PIK3CD: variants seen among roughly 807,000 people sequenced by gnomAD.
PIK3CD encodes phosphatidylinositol 4,5-bisphosphate 3-kinase catalytic subunit delta isoform.
A neutral mutation model predicts 122.9 loss-of-function variants in PIK3CD; 20 were observed. The observed-to-expected ratio is 0.16, with a 90% CI of 0.11 to 0.24. The LOEUF (loss-of-function observed/expected upper bound fraction) is 0.24. PIK3CD is among the 10% of genes least tolerant of loss of function. PIK3CD has a pLI of 1.00. For missense variants in PIK3CD, 787 were observed against 1,406.3 expected (o/e 0.56, Z 7.04); for synonymous variants, 596 against 593.4 (o/e 1.00, Z -0.06).
In PIK3CD at chr1:9,720,886, A is replaced by C; in HGVS notation, c.1666A>C (p.Asn556His). The C allele has an allele frequency of 6.2e-7, 1 of 1,601,150 alleles. No homozygotes were observed. The highest frequency in any genetic ancestry group is 8.5e-7 in the Non-Finnish European group (1 of 1,174,160). The change falls in exon 13 of 24, where the codon AAC (asparagine) becomes CAC (histidine). Residue 556 changes from asparagine to histidine, a missense_variant. Physicochemically the swap from Asn to His is moderately conservative, Grantham distance 68. This residue lies in a region of PIK3CD where 592 missense variants were observed against 920.6 expected (regional missense o/e 0.64). Coordinates refer to ENST00000377346, the MANE Select transcript of PIK3CD (RefSeq NM_005026.5). The surrounding 1 kb of genome is among the most constrained non-coding windows in gnomAD (Gnocchi z 9.0). ...LARLLLVTKW[N>H]KHEDVAQMLY... The stretch of plus-strand genomic sequence containing the variant: ...CCGGCTGCTGCTGGTCACCAAGTGG[A>C]ACAAGCATGAGGATGTGGCCCAGGT...
rs542748835 is a variant in PIK3CD at position 9,719,825 on chromosome 1, T to C, written c.1243-96T>C. 15 of 974,734 alleles carry C rather than the reference T, an allele frequency of 1.5e-5. No homozygotes were observed. In the East Asian group the frequency reaches 3.6e-4, roughly 23 times the overall value. 60.4% of individuals were successfully genotyped at this position (974,734 alleles called of 1,614,324 possible). On this transcript the variant is annotated intron_variant, in intron 9 of 23. Coordinates refer to ENST00000377346, the MANE Select transcript of PIK3CD (RefSeq NM_005026.5). This position sits in a 1 kb window ranked among gnomAD's most constrained non-coding sequence, Gnocchi z 5.5. ...TCTGGTTGGGAGATGTTAGCTGGGC[T>C]CTGGGTCTTCTCGGGTGGGGTGCCT...
Position 9,724,754 on chromosome 1 carries a change from C to A in PIK3CD, c.2865-50C>A. 1 of 1,611,316 alleles carries A rather than the reference C, an allele frequency of 6.2e-7. No individual in the cohort carries two copies. The highest frequency in any genetic ancestry group is 8.5e-7 in the Non-Finnish European group (1 of 1,179,570). ...GTTGGATGCAGAGCGGCCCTCTGGC[C>A]TGTGGCTGGGAGTTCCCAGAGCCTC... On this transcript the variant is annotated intron_variant, in intron 22 of 23. Coordinates refer to ENST00000377346, the MANE Select transcript of PIK3CD (RefSeq NM_005026.5). The surrounding 1 kb of genome is among the most constrained non-coding windows in gnomAD (Gnocchi z 7.3).
At chr1:9,650,796 C>A (rs1644657325), upstream of PIK3CD, among the ~76,000 whole-genome samples, 1 of 152,102 alleles carries the variant, frequency 6.6e-6, no homozygotes. Context: ...AAAGTTAGCT[C>A]TGAGCAGCCC....
In PIK3CD at chr1:9,724,165, G is replaced by A. The variant is rs992209760; in HGVS notation, c.2718+73G>A. On this transcript the variant is annotated intron_variant, in intron 21 of 23. Coordinates refer to ENST00000377346, the MANE Select transcript of PIK3CD (RefSeq NM_005026.5). This position sits in a 1 kb window ranked among gnomAD's most constrained non-coding sequence, Gnocchi z 7.3. ...CCCAGCCTGCTGGCCCCTCTGCCTAGCACACAGCTCTGTGGCAGGGGTCCC... is the reference window on the plus strand; with the variant it reads ...CCCAGCCTGCTGGCCCCTCTGCCTAACACACAGCTCTGTGGCAGGGGTCCC... 28 of 1,613,598 alleles carry A rather than the reference G, an allele frequency of 1.7e-5. No homozygotes were observed. Among genetic ancestry groups the A allele is most frequent in the Admixed American group, 1.7e-5 (1 of 60,010 alleles).
intron 2 of PIK3CD, among the ~76,000 whole-genome samples, chr1:9,697,236 G>C (rs1325280381): frequency 6.6e-6 from 1 of 150,896 alleles, no homozygotes; most frequent in Non-Finnish European, 1.5e-5. Flanking sequence ...TAAAAATTTT[G>C]CCTGAGGTAT....
At chr1:9,687,398 G>C (rs2100368587) in intron 1 of PIK3CD, 1 of 152,646 alleles carries the variant, frequency 6.6e-6, no homozygotes, top group South Asian at 2.1e-4. Context: ...AAGGTCCGGC[G>C]TGACTTCCGG....
chr1:9,649,443 G>A (rs979117311), upstream of PIK3CD, among the ~76,000 whole-genome samples: 4 of 152,014 alleles, frequency 2.6e-5, no homozygotes, highest in African/African-American at 9.7e-5. Flanking sequence ...ATATCACCCA[G>A]GCTGGTCTCA....
In PIK3CD at chr1:9,718,921, TC is replaced by T. The variant is rs1031464266; in HGVS notation, c.1242+9del. 1.2e-6 allele frequency: 2 copies of T among 1,609,232 alleles called. No homozygotes were observed. The highest frequency in any genetic ancestry group is 1.7e-6 in the Non-Finnish European group (2 of 1,179,200). ...AGAAGAAGTCCAAGAAGGCGGTGGG[TC>T]CCAGGGCCGGCTGGGAGGGGTGCAG... On this transcript the variant is annotated splice_region_variant and intron_variant, in intron 9 of 23. Coordinates refer to ENST00000377346, the MANE Select transcript of PIK3CD (RefSeq NM_005026.5). This position sits in a 1 kb window ranked among gnomAD's most constrained non-coding sequence, Gnocchi z 7.2.
chr1:9,659,151 TG>T (rs1272253900), intron 1 of PIK3CD, among the ~76,000 whole-genome samples: 1 of 144,818 alleles, frequency 6.9e-6, no homozygotes, highest in Non-Finnish European at 1.5e-5. Flanking sequence ...CAACACACAC[TG>T]GGGCTTGTGA....
chr1:9,672,020 G>A (rs966855363), intron 1 of PIK3CD, among the ~76,000 whole-genome samples: 2 of 152,066 alleles, frequency 1.3e-5, no homozygotes. Flanking sequence ...CGGGTTCCCA[G>A]GGGGAGTGGG....
At chr1:9,725,296 GT>G (rs368720761) in intron 23 of PIK3CD, among the ~76,000 whole-genome samples, 51 of 152,358 alleles carry the variant, frequency 3.3e-4, no homozygotes, top group Middle Eastern at 3.4e-3. Context: ...GCTCACGCCT[GT>G]AATCTCAGCA....
rs1166250728 is a variant in PIK3CD, at chr1:9,689,249, C to T, written c.-137-2218C>T. On this transcript the variant is annotated intron_variant, in intron 1 of 23. Transcript: ENST00000377346. This position sits in a 1 kb window ranked among gnomAD's most constrained non-coding sequence, Gnocchi z 6.1. ...TAGGCCAGAGCCAGCGTGCGCGCGC[C>T]GTCGGGGTCCCGCGGCTGCTCTGGG... 6.6e-6 allele frequency among the ~76,000 whole-genome samples: 1 copy of T among 152,226 alleles called. No individual in the cohort carries two copies. Among genetic ancestry groups the T allele is most frequent in the African/African-American group, 2.4e-5 (1 of 41,460 alleles).
chr1:9,704,657 C>T lies in PIK3CD; in HGVS notation c.-32-5767C>T, dbSNP rs1364988526. Among the ~76,000 whole-genome samples the T allele has an allele frequency of 5.3e-5, 8 of 152,182 alleles. No individual in the cohort carries two copies. Among genetic ancestry groups the T allele is most frequent in the Admixed American group, 2.6e-4 (4 of 15,266 alleles). The stretch of plus-strand genomic sequence containing the variant: ...CCTCCCAAGTAGCCGGGACTACAGG[C>T]GTGAGCCACCATGACCGGCTAATTT... On this transcript the variant is annotated intron_variant, in intron 2 of 23. Transcript: ENST00000377346. This position sits in a 1 kb window ranked among gnomAD's most constrained non-coding sequence, Gnocchi z 5.0.
At chr1:9,634,377 G>T in the PIK3CD span, among the ~76,000 whole-genome samples, 2 of 152,016 alleles carry the variant, frequency 1.3e-5, no homozygotes, top group African/African-American at 2.4e-5. Context: ...GGCTAGGCTG[G>T]TCTTGAACTC....
intron 1 of PIK3CD, chr1:9,653,935 G>C (rs1246909947): frequency 6.6e-6 from 9 of 1,364,772 alleles, no homozygotes; most frequent in Non-Finnish European, 8.8e-6. Flanking sequence ...GCTGAGAGCG[G>C]TAGCTCATAC....
chr1:9,653,483 G>T (rs1233884161), intron 1 of PIK3CD: 1 of 260,676 alleles, frequency 3.8e-6, no homozygotes, highest in Non-Finnish European at 7.5e-6. Context: ...AATCATCTGG[G>T]GGTGCCGTTG....
chr1:9,638,100 C>G, the PIK3CD span, among the ~76,000 whole-genome samples: 1 of 150,364 alleles, frequency 6.7e-6, no homozygotes, highest in Non-Finnish European at 1.5e-5. Flanking sequence ...GAGCGAGACT[C>G]TGTCTCAAAA....
At chr1:9,726,068 C>A (rs1230153806) in intron 23 of PIK3CD, among the ~76,000 whole-genome samples, 1 of 151,190 alleles carries the variant, frequency 6.6e-6, no homozygotes, top group Non-Finnish European at 1.5e-5. Context: ...AAAAAATCAG[C>A]CAGGCATGGT....
At chr1:9,676,384 C>A (rs1196474495) in intron 1 of PIK3CD, among the ~76,000 whole-genome samples, 1 of 152,242 alleles carries the variant, frequency 6.6e-6, no homozygotes, top group Non-Finnish European at 1.5e-5. Context: ...CTTGAAGGTC[C>A]TTGTGTCTGA....
Sources: allele counts gnomAD v4.1 joint callset (sites outside exome capture counted in the v4.1 genomes callset), GRCh38; gene constraint gnomAD v4.1.1; regional missense constraint gnomAD v4.1.1; non-coding constraint Gnocchi (gnomAD v3.1); transcripts MANE v1.5; gene names NCBI Gene and HGNC (gene_info 2026-07-23, HGNC 2026-07-21).